The following ENOX1 variants were observed in gnomAD, a reference collection of about 807,000 sequenced individuals.
ENOX1 encodes ecto-NOX disulfide-thiol exchanger 1, also known as candidate growth-related and time keeping constitutive hydroquinone (NADH) oxidase.
A neutral mutation model predicts 82.5 loss-of-function variants in ENOX1; 42 were observed. The observed-to-expected ratio is 0.51, with a 90% CI of 0.40 to 0.66. ENOX1 has a LOEUF of 0.66. ENOX1 is among the 30% of genes least tolerant of loss of function. The pLI, the probability that ENOX1 is intolerant of heterozygous loss-of-function variation, is 0.00. For synonymous variants in ENOX1, 271 were observed against 282.2 expected, an observed-to-expected ratio of 0.96 and a Z score of 0.40; for missense variants, 608 against 811.6, an observed-to-expected ratio of 0.75 and a Z score of 3.05.
intron 2 of ENOX1, among the ~76,000 whole-genome samples, chr13:43,640,488 C>T (rs2083588045): frequency 6.6e-6 from 1 of 152,140 alleles, no homozygotes; most frequent in African/African-American, 2.4e-5. Context: ...TACAACTCAC[C>T]AGGTTCTTCT....
At chr13:43,530,302 G>C (rs1339690735) in intron 2 of ENOX1, among the ~76,000 whole-genome samples, 20 of 152,130 alleles carry the variant, frequency 1.3e-4, no homozygotes. Flanking sequence ...TTTTCCAAAA[G>C]AATCAGAGCT....
intron 2 of ENOX1, among the ~76,000 whole-genome samples, chr13:43,589,896 CAAAA>C (rs56787803): frequency 3.7e-5 from 4 of 108,870 alleles, no homozygotes; most frequent in Admixed American, 1.9e-4. Flanking sequence ...GTCTATTCTG[CAAAA>C]AAAAAAAAAA....
intron 1 of ENOX1, among the ~76,000 whole-genome samples, chr13:43,710,765 G>T (rs2087637563): frequency 6.6e-6 from 1 of 152,014 alleles, no homozygotes; most frequent in Non-Finnish European, 1.5e-5. Flanking sequence ...ATTTGAACAA[G>T]GTGGTCGAAT....
At chr13:43,705,130 GAAAC>G (rs2087169622) in intron 1 of ENOX1, among the ~76,000 whole-genome samples, 1 of 151,672 alleles carries the variant, frequency 6.6e-6, no homozygotes. Context: ...GAGGAACAGA[GAAAC>G]AAAATAGAGG....
At chr13:43,408,178 C>T (rs1285244778) in intron 5 of ENOX1, among the ~76,000 whole-genome samples, 2 of 152,166 alleles carry the variant, frequency 1.3e-5, no homozygotes, top group Non-Finnish European at 2.9e-5. Context: ...TGTGGAAGTG[C>T]ACGACAGCAC....
intron 1 of ENOX1, among the ~76,000 whole-genome samples, chr13:43,713,282 G>A (rs2087866119): frequency 6.6e-6 from 1 of 152,138 alleles, no homozygotes. Context: ...CATGGTGGAT[G>A]AACTTTTTGA....
At chr13:43,561,958 G>A (rs1303147639) in intron 2 of ENOX1, among the ~76,000 whole-genome samples, 1 of 129,248 alleles carries the variant, frequency 7.7e-6, no homozygotes, top group East Asian at 2.8e-4. Flanking sequence ...AACAGAATGA[G>A]ACCCTGTCAA....
chr13:43,265,443 G>C lies in ENOX1; in HGVS notation c.1566C>G (p.Thr522=), dbSNP rs1158218382. Residue 522 remains threonine, a synonymous_variant, in exon 14 of 17, where the codon ACC becomes ACG. Coordinates refer to ENST00000690772, the MANE Select transcript of ENOX1 (RefSeq NM_001347969.2). ...GGCCATTGGTCTCGACCAATTCCTT[G>C]GTACCTTTTAACTGCAAATTTTAAG... is the stretch of plus-strand genomic sequence containing the variant. ...LKVLQEQLKG[T]KELVETNGHS... 6.2e-7 allele frequency: 1 copy of C among 1,609,878 alleles called. No homozygotes were observed.
intron 2 of ENOX1, among the ~76,000 whole-genome samples, chr13:43,541,653 T>C (rs901556652): frequency 6.6e-6 from 1 of 152,226 alleles, no homozygotes; most frequent in Non-Finnish European, 1.5e-5. Context: ...TTCATCGTAT[T>C]GCATTTTCAC....
Position 43,384,305 on chromosome 13 carries a change from C to G in ENOX1, c.209-22853G>C, listed in dbSNP as rs554742050. ...CTCCTTATGGCAAGCACAGTAGGAA[C>G]AAGAAATAGAAATACTTCCTCTAAC... On this transcript the variant is annotated intron_variant, in intron 5 of 16. Coordinates refer to ENST00000690772, the MANE Select transcript of ENOX1 (RefSeq NM_001347969.2). 4.6e-5 allele frequency among the ~76,000 whole-genome samples: 7 copies of G among 152,264 alleles called. 1 individual carries two copies. The South Asian group carries it at 1.5e-3, about 32-fold the overall frequency.
At chr13:43,255,302 T>C (rs1213293326) in intron 14 of ENOX1, among the ~76,000 whole-genome samples, 1 of 152,006 alleles carries the variant, frequency 6.6e-6, no homozygotes, top group Admixed American at 6.6e-5. Context: ...ATCAAAATAA[T>C]AATGACCATA....
At chr13:43,566,886 C>T (rs977149387) in intron 2 of ENOX1, among the ~76,000 whole-genome samples, 7 of 152,010 alleles carry the variant, frequency 4.6e-5, no homozygotes, top group South Asian at 2.1e-4. Context: ...TTATTATTTT[C>T]GGAGTTAGTT....
intron 1 of ENOX1, among the ~76,000 whole-genome samples, chr13:43,778,377 T>A (rs1332368994): frequency 6.6e-6 from 1 of 152,132 alleles, no homozygotes; most frequent in African/African-American, 2.4e-5. Context: ...AAAATTGCAG[T>A]CAAAAGCTTG....
chr13:43,427,637 A>T (rs1566193266), intron 3 of ENOX1, among the ~76,000 whole-genome samples: 2 of 152,346 alleles, frequency 1.3e-5, no homozygotes, highest in South Asian at 2.1e-4. Context: ...GACTGTATGT[A>T]GCACTGTGCT....
intron 2 of ENOX1, among the ~76,000 whole-genome samples, chr13:43,531,159 G>T (rs1249149098): frequency 1.3e-5 from 2 of 151,546 alleles, no homozygotes; most frequent in African/African-American, 4.8e-5. Flanking sequence ...ACTGTAGGAG[G>T]TTTTATACTT....
chr13:43,539,040 C>T (rs2078595054), intron 2 of ENOX1, among the ~76,000 whole-genome samples: 1 of 152,138 alleles, frequency 6.6e-6, no homozygotes, highest in Non-Finnish European at 1.5e-5. Context: ...CCAGGGTGGT[C>T]TTGAACTCCT....
chr13:43,274,448 T>C (rs1430007625), intron 12 of ENOX1, among the ~76,000 whole-genome samples: 5 of 152,252 alleles, frequency 3.3e-5, no homozygotes, highest in Non-Finnish European at 5.9e-5. Context: ...AGAGGTCCTA[T>C]AAAAACGGAG....
intron 2 of ENOX1, among the ~76,000 whole-genome samples, chr13:43,580,652 G>C (rs1336312869): frequency 5.3e-5 from 8 of 152,150 alleles, no homozygotes; most frequent in African/African-American, 1.9e-4. Context: ...ATTCTGATGA[G>C]CTAGCCAAAA....
At chr13:43,375,512 C>T (rs1358408433) in intron 5 of ENOX1, among the ~76,000 whole-genome samples, 1 of 152,198 alleles carries the variant, frequency 6.6e-6, no homozygotes, top group Non-Finnish European at 1.5e-5. Context: ...GTCAGGATCC[C>T]TGGCCCTAAG....
Sources: gnomAD v4.1 joint callset for allele counts (sites outside exome capture counted in the v4.1 genomes callset) on GRCh38, gnomAD v4.1.1 for gene constraint, MANE v1.5 for transcripts, NCBI Gene and HGNC (gene_info 2026-07-23, HGNC 2026-07-21) for gene names.